Variants in COL16A1 observed in about 807,000 individuals in gnomAD.
COL16A1 encodes collagen type XVI alpha 1 chain.
Under a neutral mutation model 266.3 loss-of-function variants are expected in COL16A1, and 189 were observed. The ratio of observed to expected loss-of-function variants is 0.71; its 90% CI spans 0.63 to 0.80. The LOEUF is 0.80. COL16A1 is among the 30% of genes least tolerant of loss of function. The pLI is 0.00. For missense variants in COL16A1, 1,928 were observed against 2,122.4 expected, an observed-to-expected ratio of 0.91 and a Z score of 1.80; for synonymous variants, 740 against 782.3, an observed-to-expected ratio of 0.95 and a Z score of 0.90.
At chr1:31,662,311 GC>G (rs1557617367) in intron 58 of COL16A1, 22 bp downstream of exon 58, 3 of 1,278,310 alleles carry the variant, frequency 2.3e-6, no homozygotes, top group South Asian at 1.3e-5. Flanking sequence ...AGGGGTGCCC[GC>G]CCTCCCAGCC....
At position 31,691,067 on chromosome 1, in the gene COL16A1, T is replaced by C. The variant is rs1644240582; in HGVS notation, c.1437+121A>G. On this transcript the variant is annotated intron_variant, in intron 20 of 70. Coordinates refer to ENST00000373672, the MANE Select transcript of COL16A1 (RefSeq NM_001856.4). ...GGCCAAGCCGAGCCCAGCCTCCTCCTCCAAAGGCCCGGCCTCCTCCCTGGG... is the reference window on the plus strand; with the variant it reads ...GGCCAAGCCGAGCCCAGCCTCCTCCCCCAAAGGCCCGGCCTCCTCCCTGGG... 4 of 1,482,554 alleles carry C rather than the reference T, an allele frequency of 2.7e-6. No homozygotes were observed. The Admixed American group carries it at 8.8e-5, about 33-fold the overall frequency. The allele number at this position is 1,482,554 out of a possible 1,614,324, so 91.8% of individuals were successfully genotyped here. A position where few individuals can be genotyped will look rare whatever the true frequency, so the allele number is the denominator to read the frequency against.
chr1:31,667,565 T>A lies in COL16A1; in HGVS notation c.3357+10A>T. ...AGCCCTGCATCCAGCCCCACGCCGC[T>A]GGGACTCACCGGCTCTCCTTTCTCT... On this transcript the variant is annotated intron_variant, in intron 52 of 70. Coordinates refer to ENST00000373672, the MANE Select transcript of COL16A1 (RefSeq NM_001856.4). The A allele has an allele frequency of 1.3e-6, 2 of 1,590,826 alleles. No individual in the cohort carries two copies. The highest frequency in any genetic ancestry group is 1.7e-6 in the Non-Finnish European group (2 of 1,169,390).
chr1:31,668,839 C>T lies in COL16A1; in HGVS notation c.3212G>A (p.Arg1071Gln), dbSNP rs763318427. 8 of 1,613,642 alleles carry T rather than the reference C, an allele frequency of 5.0e-6. No homozygotes were observed. The highest frequency in any genetic ancestry group is 1.7e-5 in the Admixed American group (1 of 59,964). The change falls in exon 50 of 71, where the codon CGA becomes CAA. Residue 1071 changes from arginine (R) to glutamine (Q), a missense_variant. Coordinates refer to ENST00000373672, the MANE Select transcript of COL16A1 (RefSeq NM_001856.4). The surrounding 1 kb of genome is among the most constrained non-coding windows in gnomAD (Gnocchi z 5.8). ...GTCTCCAGTCAGGCCCGTGAGACCT[C>T]GCTCTCCTTGAAGGCCCTTGGAGAG... ...SPGLPGLQGE[R>Q]GLTGLTGDKG...
rs772965367 is a variant in COL16A1, at chr1:31,672,831, C to G, written c.2869G>C (p.Gly957Arg). Residue 957 changes from glycine (G) to arginine (R), a missense_variant, in exon 45 of 71, where the codon GGG (glycine) becomes CGG (arginine). By Grantham distance (125) the Gly-to-Arg change is moderately radical. This residue lies in a region of COL16A1 where 1,552 missense variants were observed against 1,637.2 expected (regional missense o/e 0.95). Coordinates refer to ENST00000373672, the MANE Select transcript of COL16A1 (RefSeq NM_001856.4). Reference sequence around the variant, plus strand: ...GCCCTCTGCCCCTGGACACAGTCCCCGCAGATACTCTGATCAGGGAGTGGG... The same window carrying G: ...GCCCTCTGCCCCTGGACACAGTCCCGGCAGATACTCTGATCAGGGAGTGGG... ...IEQHLLKSIC[G>R]DCVQGQRAHP... 2.5e-6 allele frequency: 4 copies of G among 1,613,870 alleles called. No individual in the cohort carries two copies. The highest frequency in any genetic ancestry group is 3.4e-6 in the Non-Finnish European group (4 of 1,179,852).
At chr1:31,654,501 A>AG (rs1486322533) in intron 68 of COL16A1, among the ~76,000 whole-genome samples, 4 of 152,342 alleles carry the variant, frequency 2.6e-5, no homozygotes, top group Non-Finnish European at 2.9e-5. Flanking sequence ...CCCTGTATTT[A>AG]GAGCTCACTT....
At chr1:31,683,912 A>G in intron 33 of COL16A1, 38 bp downstream of exon 33, 2 of 1,613,056 alleles carry the variant, frequency 1.2e-6, no homozygotes, top group South Asian at 1.1e-5. Flanking sequence ...CCCTGCCCTC[A>G]CGTAGCTACG....
Position 31,652,971 on chromosome 1 carries a change from G to T in COL16A1, c.4613-118C>A. 1 of 1,081,444 alleles carries T rather than the reference G, an allele frequency of 9.2e-7. No homozygotes were observed. The highest frequency in any genetic ancestry group is 1.2e-6 in the Non-Finnish European group (1 of 810,294). 67.0% of individuals were successfully genotyped at this position (1,081,444 alleles called of 1,614,324 possible). ...ATGACTGTTTCTCAAGTTACCACAT[G>T]TTTTCATGAAGACCTAGTCTGATCC... On this transcript the variant is annotated intron_variant, in intron 70 of 70. Coordinates refer to ENST00000373672, the MANE Select transcript of COL16A1 (RefSeq NM_001856.4). This position sits in a 1 kb window ranked among gnomAD's most constrained non-coding sequence, Gnocchi z 4.8.
chr1:31,700,211 G>C (rs995737581), intron 2 of COL16A1, 96 bp from the exon 3 acceptor site: 9 of 1,110,308 alleles, frequency 8.1e-6, no homozygotes, highest in Middle Eastern at 2.3e-4. Flanking sequence ...CAAGTTTATA[G>C]TCCTCACTCT....
chr1:31,686,061 C>A (rs759740662), intron 28 of COL16A1, 30 bp downstream of exon 28: 4 of 1,612,816 alleles, frequency 2.5e-6, no homozygotes, highest in Non-Finnish European at 3.4e-6. Flanking sequence ...CTCACCCAGG[C>A]TGCAGCACGG....
chr1:31,679,998 G>C, intron 40 of COL16A1, 44 bp downstream of exon 40: 1 of 1,609,792 alleles, frequency 6.2e-7, no homozygotes, highest in South Asian at 1.1e-5. Context: ...GCTGAAGCTG[G>C]TCCTCTCCCC....
intron 11 of COL16A1, 128 bp from the exon 12 acceptor site, chr1:31,694,298 C>T (rs1644402860): frequency 3.0e-6 from 2 of 663,354 alleles, no homozygotes; most frequent in African/African-American, 1.9e-5. Flanking sequence ...ATCCCAGCCC[C>T]TGCTCTGCTT....
chr1:31,688,753 C>T lies in COL16A1; in HGVS notation c.1767+108G>A, dbSNP rs544891314. On this transcript the variant is annotated intron_variant, in intron 25 of 70. Coordinates refer to ENST00000373672, the MANE Select transcript of COL16A1 (RefSeq NM_001856.4). This position sits in a 1 kb window ranked among gnomAD's most constrained non-coding sequence, Gnocchi z 4.9. ...AGGCCTGGGACACCTGCCTCTTCCC[C>T]TCCCTCCTGATCCCTGCCCTGAGAC... is the stretch of plus-strand genomic sequence containing the variant. 9.5e-6 allele frequency: 12 copies of T among 1,263,958 alleles called. No individual in the cohort carries two copies. The highest frequency in any genetic ancestry group is 2.8e-5 in the South Asian group (2 of 71,888). The allele number at this position is 1,263,958 out of a possible 1,614,324, so 78.3% of individuals were successfully genotyped here. A position where few individuals can be genotyped will look rare whatever the true frequency, so the allele number is the denominator to read the frequency against.
At chr1:31,684,675 G>A in intron 30 of COL16A1, 45 bp from the exon 31 acceptor site, 1 of 1,608,354 alleles carries the variant, frequency 6.2e-7, no homozygotes, top group Non-Finnish European at 8.5e-7. Context: ...GCCCAGCCGG[G>A]GGCAGGTTGC....
In COL16A1 at chr1:31,670,413, G is replaced by A; in HGVS notation, c.3195+189C>T. On this transcript the variant is annotated intron_variant, in intron 49 of 70. Coordinates refer to ENST00000373672, the MANE Select transcript of COL16A1 (RefSeq NM_001856.4). The surrounding 1 kb of genome is among the most constrained non-coding windows in gnomAD (Gnocchi z 4.5). ...AGGAGGGAGAGGAGAAAACGGAAAG[G>A]AGTCAGAGACTGGGAGGATGTCCAA... 1 of 568,882 alleles carries A rather than the reference G, an allele frequency of 1.8e-6. No individual in the cohort carries two copies. Among genetic ancestry groups the A allele is most frequent in the Non-Finnish European group, 2.8e-6 (1 of 355,728 alleles). The allele number at this position is 568,882 out of a possible 1,614,324, so 35.2% of individuals were successfully genotyped here. A position where few individuals can be genotyped will look rare whatever the true frequency, so the allele number is the denominator to read the frequency against.
In COL16A1 at chr1:31,679,918, G is replaced by A. The variant is rs1643491479; in HGVS notation, c.2671-67C>T. The A allele has an allele frequency of 3.3e-6, 5 of 1,537,358 alleles. No individual in the cohort carries two copies. The African/African-American group carries it at 4.1e-5, about 13-fold the overall frequency. On this transcript the variant is annotated intron_variant, in intron 40 of 70. Coordinates refer to ENST00000373672, the MANE Select transcript of COL16A1 (RefSeq NM_001856.4). ...AGGCAACGTCTACACCAAGCGCGGG[G>A]CTGCGTGGGGAGGCGGCTGGCTGGG...
rs890645908 is a variant in COL16A1 at position 31,671,533 on chromosome 1, G to T, written c.3150+82C>A. 8.1e-5 allele frequency: 128 copies of T among 1,573,580 alleles called. 1 individual carries two copies. The highest frequency in any genetic ancestry group is 1.1e-5 in the Non-Finnish European group (13 of 1,150,420). The stretch of plus-strand genomic sequence containing the variant: ...CCTCCTGCCTTGCCCAGCCTTTTGG[G>T]GACAAGGCCGCGGGATGGTGTCTGA... On this transcript the variant is annotated intron_variant, in intron 48 of 70. Coordinates refer to ENST00000373672, the MANE Select transcript of COL16A1 (RefSeq NM_001856.4).
intron 61 of COL16A1, 126 bp downstream of exon 61, chr1:31,660,940 C>A: frequency 9.2e-7 from 1 of 1,081,832 alleles, no homozygotes; most frequent in Non-Finnish European, 1.3e-6. Context: ...TGGGTGACAC[C>A]CCTCCCAGAA....
At position 31,665,879 on chromosome 1, in the gene COL16A1, C is replaced by T. The variant is rs1214036169; in HGVS notation, c.3456+3G>A. On this transcript the variant is annotated splice_donor_region_variant and intron_variant, in intron 54 of 70. Transcript: ENST00000373672. ...CTGCAGCCAGGTCCCAGTCGTCACTCACCTGGTCGCCCTTCTCACCGGAGT... is the reference window on the plus strand; with the variant it reads ...CTGCAGCCAGGTCCCAGTCGTCACTTACCTGGTCGCCCTTCTCACCGGAGT... The T allele has an allele frequency of 2.5e-6, 4 of 1,614,178 alleles. No individual in the cohort carries two copies. The South Asian group carries it at 4.4e-5, about 18-fold the overall frequency.
At position 31,665,172 on chromosome 1, in the gene COL16A1, C is replaced by T. The variant is rs1409138406; in HGVS notation, c.3555G>A (p.Lys1185=). The T allele has an allele frequency of 6.2e-7, 1 of 1,606,890 alleles. No homozygotes were observed. The highest frequency in any genetic ancestry group is 1.3e-5 in the African/African-American group (1 of 74,380). The change falls in exon 56 of 71, where the codon AAG becomes AAA. Residue 1185 remains lysine, a splice_region_variant and synonymous_variant. Coordinates refer to ENST00000373672, the MANE Select transcript of COL16A1 (RefSeq NM_001856.4). ...TTTGCCAACCCAGGGTCCTGCTCAC[C>T]TTCTCTGCTTGAGGGCCAGGTGGGC... ...SPGPPGPQAE[K]GSEGIRGPSG...
Sources: allele counts gnomAD v4.1 joint callset (sites outside exome capture counted in the v4.1 genomes callset), GRCh38; gene constraint gnomAD v4.1.1; regional missense constraint gnomAD v4.1.1; non-coding constraint Gnocchi (gnomAD v3.1); transcripts MANE v1.5; gene names NCBI Gene and HGNC (gene_info 2026-07-23, HGNC 2026-07-21).